Variants in WDTC1 observed in about 807,000 individuals in gnomAD.
The protein encoded by WDTC1 is WD and tetratricopeptide repeats protein 1.
WDTC1 carries 12 observed loss-of-function variants against 76.0 expected under a neutral mutation model. The ratio of observed to expected loss-of-function variants is 0.16; its 90% CI spans 0.10 to 0.26. The LOEUF (loss-of-function observed/expected upper bound fraction) is 0.26. WDTC1 is among the 10% of genes least tolerant of loss of function. The pLI is 1.00. For synonymous variants in WDTC1, 326 were observed against 350.8 expected, an observed-to-expected ratio of 0.93 and a Z score of 0.79; for missense variants, 511 against 908.8, an observed-to-expected ratio of 0.56 and a Z score of 5.63.
At chr1:27,286,960 C>T (rs1313344258) in intron 5 of WDTC1, among the ~76,000 whole-genome samples, 4 of 151,726 alleles carry the variant, frequency 2.6e-5, no homozygotes, top group African/African-American at 4.8e-5. Context: ...GTCAGGAGTT[C>T]GAGACCAGCC....
At chr1:27,267,470 C>T (rs2012712715) in intron 3 of WDTC1, among the ~76,000 whole-genome samples, 2 of 152,132 alleles carry the variant, frequency 1.3e-5, no homozygotes, top group Admixed American at 6.6e-5. Context: ...TCTCAAACTC[C>T]TGTCCTCAAG....
chr1:27,269,390 T>C (rs2012784155), intron 3 of WDTC1, among the ~76,000 whole-genome samples: 2 of 148,062 alleles, frequency 1.4e-5, no homozygotes, highest in Admixed American at 6.8e-5. Flanking sequence ...AACATATGAG[T>C]GTGGCAAGAG....
intron 3 of WDTC1, among the ~76,000 whole-genome samples, chr1:27,265,267 A>C (rs926312968): frequency 6.6e-6 from 1 of 152,142 alleles, no homozygotes; most frequent in Non-Finnish European, 1.5e-5. Flanking sequence ...ATGACATTGC[A>C]ATGGGCTGAA....
At position 27,303,776 on chromosome 1, in the gene WDTC1, G is replaced by A; in HGVS notation, c.1624G>A (p.Glu542Lys). 6.2e-7 allele frequency: 1 copy of A among 1,614,096 alleles called. No homozygotes were observed. Among genetic ancestry groups the A allele is most frequent in the Non-Finnish European group, 8.5e-7 (1 of 1,179,988 alleles). The change falls in exon 14 of 16, where the codon GAG (glutamate) becomes AAG (lysine). Residue 542 changes from glutamate to lysine, a missense_variant. Coordinates refer to ENST00000319394, the MANE Select transcript of WDTC1 (RefSeq NM_001276252.2). This position sits in a 1 kb window ranked among gnomAD's most constrained non-coding sequence, Gnocchi z 4.8. ...GHCNTTTDIK[E>K]ANFFGSNAQY... ...CTGCAACACCACCACGGATATCAAA[G>A]AGGCCAATTTCTTTGGCAGGTCCGA...
Position 27,294,130 on chromosome 1 carries a change from C to G in WDTC1, c.757+14C>G, listed in dbSNP as rs1216104923. On this transcript the variant is annotated intron_variant, in intron 8 of 15. Transcript: ENST00000319394. ...ATTACGTAGCAGGTAGCGCTCAGCA[C>G]AGCTCTGGCCCCAAACTCTCGGCTA... 8 of 1,611,518 alleles carry G rather than the reference C, an allele frequency of 5.0e-6. No individual in the cohort carries two copies. The highest frequency in any genetic ancestry group is 6.8e-6 in the Non-Finnish European group (8 of 1,178,818).
rs1052594415 is a variant in WDTC1, at chr1:27,294,050, G to T, written c.691G>T (p.Gly231Cys). Reference sequence around the variant, plus strand: ...GAGCATGAAGCAGAGCCCTTCAGCGGGTGTGCACACCTTCTGTGACCGGCA... The same window carrying T: ...GAGCATGAAGCAGAGCCCTTCAGCGTGTGTGCACACCTTCTGTGACCGGCA... Reference protein sequence around the residue: ...RKSMKQSPSAGVHTFCDRQKP... With the variant: ...RKSMKQSPSACVHTFCDRQKP... Residue 231 changes from glycine to cysteine, a missense_variant, in exon 8 of 16, where the codon GGT becomes TGT. Transcript: ENST00000319394. 1.5e-5 allele frequency: 25 copies of T among 1,614,028 alleles called. No individual in the cohort carries two copies. The highest frequency in any genetic ancestry group is 2.0e-5 in the Non-Finnish European group (24 of 1,180,016).
chr1:27,244,513 TA>T (rs1010940109), intron 1 of WDTC1, among the ~76,000 whole-genome samples: 1 of 152,092 alleles, frequency 6.6e-6, no homozygotes, highest in African/African-American at 2.4e-5. Flanking sequence ...GGCTAATTTT[TA>T]AAAAACTTTT....
In WDTC1 at chr1:27,269,606, G is replaced by GTTTTTTTTTTTTTTTGTT. The variant is rs56885576; in HGVS notation, c.132+6383_132+6384insTTTGTTTTTTTTTTTTTT. 1.4e-4 allele frequency among the ~76,000 whole-genome samples: 17 copies of GTTTTTTTTTTTTTTTGTT among 119,460 alleles called. No homozygotes were observed. In the East Asian group the frequency reaches 1.9e-3, roughly 13 times the overall value. The allele number at this position is 119,460 out of a possible 152,430, so 78.4% of individuals were successfully genotyped here. ...ATGATCAGATTTTTTTTTGTTTTTT[G>GTTTTTTTTTTTTTTTGTT]TTTTTTTTTTTTCGGTTTTTTTTTT... On this transcript the variant is annotated intron_variant, in intron 3 of 15. Transcript: ENST00000319394.
At position 27,255,401 on chromosome 1, in the gene WDTC1, AAT is replaced by A. The variant is rs1476723726; in HGVS notation, c.-99-5552_-99-5551del. ...TTGTGAAAATTGTTGCATGTCTATG[AAT>A]ATGTTTCCTCATATGTAAAATTATG... On this transcript the variant is annotated intron_variant, in intron 1 of 15. Transcript: ENST00000319394. 4 of 152,304 alleles carry A rather than the reference AAT, an allele frequency of 2.6e-5. No homozygotes were observed. The East Asian group carries it at 7.7e-4, about 29-fold the overall frequency. 9.4% of individuals were successfully genotyped at this position (152,304 alleles called of 1,614,324 possible). A position where few individuals can be genotyped will look rare whatever the true frequency, so the allele number is the denominator to read the frequency against.
rs1570990481 is a variant in WDTC1 at position 27,303,471 on chromosome 1, A to T, written c.1469-150A>T. ...CTAGATCCAAAGATGCATCTTCCTC[A>T]CAACCTTTCCCCAGTTTTCCAGGAT... On this transcript the variant is annotated intron_variant, in intron 13 of 15. Coordinates refer to ENST00000319394, the MANE Select transcript of WDTC1 (RefSeq NM_001276252.2). This position sits in a 1 kb window ranked among gnomAD's most constrained non-coding sequence, Gnocchi z 4.8. The T allele has an allele frequency of 2.0e-6, 2 of 1,006,568 alleles. No homozygotes were observed. Among genetic ancestry groups the T allele is most frequent in the Non-Finnish European group, 2.8e-6 (2 of 724,876 alleles). 62.4% of individuals were successfully genotyped at this position (1,006,568 alleles called of 1,614,324 possible). A position where few individuals can be genotyped will look rare whatever the true frequency, so the allele number is the denominator to read the frequency against.
At chr1:27,254,414 T>G (rs1421290881) in intron 1 of WDTC1, among the ~76,000 whole-genome samples, 1 of 152,062 alleles carries the variant, frequency 6.6e-6, no homozygotes, top group East Asian at 1.9e-4. Context: ...CTGACCAATA[T>G]GGCGAAACCC....
chr1:27,234,816 G>C lies in WDTC1; in HGVS notation c.-235G>C. 1 of 397,406 alleles carries C rather than the reference G, an allele frequency of 2.5e-6. No individual in the cohort carries two copies. The allele number at this position is 397,406 out of a possible 1,614,324, so 24.6% of individuals were successfully genotyped here. ...GGCGCCGGGCGGGGAGCATGGGAAG[G>C]GGCTAGAACTGCTCGAGCCCCCCAG... On this transcript the variant is annotated 5_prime_UTR_variant, in exon 1 of 16. Transcript: ENST00000319394.
chr1:27,282,418 C>A, intron 4 of WDTC1, 133 bp downstream of exon 4: 1 of 812,082 alleles, frequency 1.2e-6, no homozygotes, highest in Non-Finnish European at 1.9e-6. Context: ...GTCTGCCGTT[C>A]TTCAGCTTAG....
chr1:27,237,394 A>G (rs892140891), intron 1 of WDTC1, among the ~76,000 whole-genome samples: 1 of 152,148 alleles, frequency 6.6e-6, no homozygotes, highest in Admixed American at 6.6e-5. Flanking sequence ...TCACTGGTTT[A>G]GTTATCTATT....
chr1:27,278,748 A>G (rs896914890), intron 3 of WDTC1, among the ~76,000 whole-genome samples: 5 of 152,212 alleles, frequency 3.3e-5, no homozygotes, highest in African/African-American at 1.2e-4. Flanking sequence ...GCTACTTCTC[A>G]GCATTCAGAT....
chr1:27,302,756 C>A (rs754059818), intron 13 of WDTC1, among the ~76,000 whole-genome samples: 2 of 151,794 alleles, frequency 1.3e-5, no homozygotes, highest in African/African-American at 2.4e-5. Context: ...ACAACAACAA[C>A]AAAATGTAGC....
intron 9 of WDTC1, among the ~76,000 whole-genome samples, chr1:27,295,563 A>G (rs765300304): frequency 3.2e-4 from 48 of 151,790 alleles, no homozygotes; most frequent in Non-Finnish European, 4.6e-4. Flanking sequence ...GATTTAAGCA[A>G]TTCTCCTGCC....
chr1:27,251,443 T>G (rs1420751244), intron 1 of WDTC1, among the ~76,000 whole-genome samples: 1 of 152,112 alleles, frequency 6.6e-6, no homozygotes, highest in Non-Finnish European at 1.5e-5. Flanking sequence ...TTTCATAATC[T>G]CAGCTCCCAG....
chr1:27,260,426 ATTTC>A (rs1208349187), intron 1 of WDTC1, among the ~76,000 whole-genome samples: 4 of 152,068 alleles, frequency 2.6e-5, no homozygotes, highest in African/African-American at 4.8e-5. Context: ...TTAAAGAAGG[ATTTC>A]TTTATTAGGT....
Sources: gnomAD v4.1 joint callset for allele counts (sites outside exome capture counted in the v4.1 genomes callset) on GRCh38, gnomAD v4.1.1 for gene constraint, Gnocchi (gnomAD v3.1) non-coding constraint, MANE v1.5 for transcripts, NCBI Gene and HGNC (gene_info 2026-07-23, HGNC 2026-07-21) for gene names.